MAP2K6: variants seen among roughly 807,000 people sequenced by gnomAD.
MAP2K6 encodes dual specificity mitogen-activated protein kinase kinase 6.
Under a neutral mutation model 53.7 loss-of-function variants are expected in MAP2K6, and 16 were observed. That is an observed-to-expected ratio of 0.30 (90% confidence interval 0.20 to 0.45). The LOEUF (loss-of-function observed/expected upper bound fraction) is 0.45, where lower values mean the gene tolerates loss of function less well. Ranked by LOEUF, MAP2K6 falls within the 20% of genes least tolerant of loss-of-function variation. The probability of loss-of-function intolerance (pLI) is 1.00; values close to 1 mark genes in which losing one functional copy is unlikely to be tolerated. For synonymous variants in MAP2K6, 132 were observed against 143.1 expected (o/e 0.92, Z 0.55); for missense variants, 204 against 411.9 (o/e 0.50, Z 4.37).
intron 1 of MAP2K6, among the ~76,000 whole-genome samples, chr17:69,445,645 AT>A (rs531908325): frequency 6.7e-5 from 10 of 149,926 alleles, no homozygotes; most frequent in East Asian, 2.0e-4. Context: ...GAATCTCTCC[AT>A]TTTTTTTTTA....
chr17:69,426,808 A>C (rs1906287897), intron 1 of MAP2K6, among the ~76,000 whole-genome samples: 1 of 152,130 alleles, frequency 6.6e-6, no homozygotes, highest in African/African-American at 2.4e-5. Context: ...AAAAAAAAAA[A>C]AAGAAAAGAA....
chr17:69,509,809 A>T (rs1261571547), intron 2 of MAP2K6, among the ~76,000 whole-genome samples: 1 of 150,432 alleles, frequency 6.6e-6, no homozygotes, highest in Non-Finnish European at 1.5e-5. Flanking sequence ...ACTATATAAA[A>T]CCTCTCAGTA....
chr17:69,430,693 A>G (rs1347407081), intron 1 of MAP2K6, among the ~76,000 whole-genome samples: 1 of 152,192 alleles, frequency 6.6e-6, no homozygotes, highest in Non-Finnish European at 1.5e-5. Flanking sequence ...GGACCAATGG[A>G]GTCAGAGGAA....
intron 1 of MAP2K6, among the ~76,000 whole-genome samples, chr17:69,449,537 C>A (rs1411609145): frequency 2.2e-4 from 19 of 84,558 alleles, no homozygotes; most frequent in African/African-American, 9.5e-4. Flanking sequence ...CTTTGTCTTT[C>A]TTTCTTTCTT....
intron 1 of MAP2K6, among the ~76,000 whole-genome samples, chr17:69,480,780 AG>A (rs1908323410): frequency 6.6e-6 from 1 of 152,114 alleles, no homozygotes; most frequent in Admixed American, 6.6e-5. Flanking sequence ...AGAAAAAAAA[AG>A]TTTTTTAAAA....
chr17:69,444,524 A>G lies in MAP2K6; in HGVS notation c.16+29524A>G, dbSNP rs538208858. 2.0e-5 allele frequency among the ~76,000 whole-genome samples: 3 copies of G among 152,310 alleles called. No individual in the cohort carries two copies. The East Asian group carries it at 5.8e-4, about 29-fold the overall frequency. On this transcript the variant is annotated intron_variant, in intron 1 of 11. Coordinates refer to ENST00000590474, the MANE Select transcript of MAP2K6 (RefSeq NM_002758.4). ...ATATCGAAGGAAGGGGTCTGGTGCA[A>G]TATAACACAGCTACCACCAGTTCAC...
chr17:69,479,967 C>G (rs149774785), intron 1 of MAP2K6, among the ~76,000 whole-genome samples: 76 of 152,242 alleles, frequency 5.0e-4, no homozygotes, highest in African/African-American at 1.8e-3. Context: ...AACTCCTGAC[C>G]TCAAGTGATC....
At chr17:69,505,979 G>A in intron 2 of MAP2K6, 133 bp downstream of exon 2, 1 of 677,068 alleles carries the variant, frequency 1.5e-6, no homozygotes, top group South Asian at 1.8e-5. Flanking sequence ...TTTGCTCACT[G>A]TTCTGAGACC....
chr17:69,452,516 C>A (rs188093244), intron 1 of MAP2K6, among the ~76,000 whole-genome samples: 1 of 152,248 alleles, frequency 6.6e-6, no homozygotes, highest in Non-Finnish European at 1.5e-5. Context: ...AAAGCCCTAC[C>A]TGCCTCATAG....
At chr17:69,489,910 A>G (rs1029836045) in intron 1 of MAP2K6, among the ~76,000 whole-genome samples, 4 of 152,224 alleles carry the variant, frequency 2.6e-5, no homozygotes, top group Non-Finnish European at 5.9e-5. Flanking sequence ...TTGCTAGGCT[A>G]TGGTTTGCAA....
intron 1 of MAP2K6, chr17:69,485,427 C>CT: frequency 1.0e-6 from 1 of 972,168 alleles, no homozygotes; most frequent in Non-Finnish European, 1.2e-6. Flanking sequence ...TGAATTTTCT[C>CT]TTATCTCTAT....
intron 1 of MAP2K6, among the ~76,000 whole-genome samples, chr17:69,454,796 G>GA (rs1241137615): frequency 1.3e-5 from 2 of 152,100 alleles, no homozygotes; most frequent in African/African-American, 2.4e-5. Context: ...AGGACTATTT[G>GA]ATAAAAATAT....
chr17:69,540,869 A>G (rs1660885090), intron 11 of MAP2K6, among the ~76,000 whole-genome samples: 1 of 152,148 alleles, frequency 6.6e-6, no homozygotes, highest in African/African-American at 2.4e-5. Flanking sequence ...TTTAGTCTAA[A>G]CCAATTCTCC....
chr17:69,496,278 T>TTA (rs1357837560), intron 1 of MAP2K6, among the ~76,000 whole-genome samples: 1 of 149,954 alleles, frequency 6.7e-6, no homozygotes. Context: ...TCCCTTCTTT[T>TTA]TTTTTTTTTT....
chr17:69,500,127 C>T (rs1909093560), intron 1 of MAP2K6, among the ~76,000 whole-genome samples: 1 of 152,094 alleles, frequency 6.6e-6, no homozygotes, highest in Admixed American at 6.5e-5. Flanking sequence ...ATCAAACTGA[C>T]TGCAGGTTTT....
chr17:69,480,100 A>T (rs1908296182), intron 1 of MAP2K6, among the ~76,000 whole-genome samples: 1 of 152,286 alleles, frequency 6.6e-6, no homozygotes, highest in South Asian at 2.1e-4. Flanking sequence ...TTTGTTCATA[A>T]AATTTAAGCA....
intron 1 of MAP2K6, among the ~76,000 whole-genome samples, chr17:69,475,937 A>G (rs1486353054): frequency 1.3e-5 from 2 of 152,230 alleles, no homozygotes; most frequent in Non-Finnish European, 2.9e-5. Flanking sequence ...ACAAAGTTTC[A>G]TCACTCTTAA....
chr17:69,525,452 A>G (rs1910718093), intron 9 of MAP2K6, among the ~76,000 whole-genome samples: 1 of 152,204 alleles, frequency 6.6e-6, no homozygotes, highest in Non-Finnish European at 1.5e-5. Flanking sequence ...TGATCAGGTC[A>G]GTGTATTAGT....
chr17:69,481,856 T>G (rs936942911), intron 1 of MAP2K6, among the ~76,000 whole-genome samples: 2 of 152,212 alleles, frequency 1.3e-5, no homozygotes, highest in African/African-American at 4.8e-5. Flanking sequence ...TTCATAAATT[T>G]TGTGGGAATA....
Sources: allele counts gnomAD v4.1 joint callset (sites outside exome capture counted in the v4.1 genomes callset), GRCh38; gene constraint gnomAD v4.1.1; transcripts MANE v1.5; gene names NCBI Gene and HGNC (gene_info 2026-07-23, HGNC 2026-07-21).